The following PLPP3 variants were observed in gnomAD, a reference collection of about 807,000 sequenced individuals.
PLPP3 encodes the protein phospholipid phosphatase 3, also known as PAP2 beta.
PLPP3 carries 6 observed loss-of-function variants against 29.6 expected under a neutral mutation model. The ratio of observed to expected loss-of-function variants is 0.20; its 90% CI spans 0.11 to 0.40. PLPP3 has a LOEUF of 0.40. Among genes scored for constraint, PLPP3 ranks in the 10% least tolerant of loss-of-function variants. PLPP3 has a pLI of 1.00. For missense variants in PLPP3, 308 were observed against 407.7 expected (o/e 0.76, Z 2.11); for synonymous variants, 152 against 159.7 (o/e 0.95, Z 0.36).
At chr1:56,520,966 G>A (rs1645815489) in intron 4 of PLPP3, among the ~76,000 whole-genome samples, 1 of 148,538 alleles carries the variant, frequency 6.7e-6, no homozygotes, top group African/African-American at 2.5e-5. Flanking sequence ...TAGCACGGAG[G>A]CTCACATCTG....
chr1:56,542,513 C>T (rs971537186), intron 1 of PLPP3, among the ~76,000 whole-genome samples: 1 of 152,128 alleles, frequency 6.6e-6, no homozygotes, highest in African/African-American at 2.4e-5. Context: ...ATGTCTTCTA[C>T]ATACCAGGTC....
At chr1:56,523,329 C>T (rs1188421139) in intron 4 of PLPP3, among the ~76,000 whole-genome samples, 1 of 152,186 alleles carries the variant, frequency 6.6e-6, no homozygotes, top group Non-Finnish European at 1.5e-5. Context: ...AACAGTCCTG[C>T]TGTTACGTAC....
intron 5 of PLPP3, among the ~76,000 whole-genome samples, chr1:56,509,860 C>T (rs1317850836): frequency 1.5e-5 from 2 of 131,528 alleles, no homozygotes; most frequent in Admixed American, 7.6e-5. Flanking sequence ...AAAAGGAAGA[C>T]AATGGGTAAA....
intron 2 of PLPP3, among the ~76,000 whole-genome samples, chr1:56,535,557 T>G (rs920111598): frequency 2.6e-5 from 4 of 152,218 alleles, no homozygotes; most frequent in East Asian, 3.9e-4. Context: ...AATTAAAATA[T>G]CAACATAACA....
chr1:56,515,103 A>C (rs757170647), intron 4 of PLPP3, among the ~76,000 whole-genome samples: 1 of 152,130 alleles, frequency 6.6e-6, no homozygotes, highest in African/African-American at 2.4e-5. Flanking sequence ...CACAGATTTT[A>C]ATCAGGAAAA....
intron 5 of PLPP3, among the ~76,000 whole-genome samples, chr1:56,507,130 G>T (rs1036839905): frequency 1.3e-5 from 2 of 152,198 alleles, no homozygotes; most frequent in African/African-American, 4.8e-5. Flanking sequence ...TGCCTGTTGT[G>T]ACAGGATCTA....
chr1:56,510,473 C>T (rs1163773876), intron 5 of PLPP3, among the ~76,000 whole-genome samples: 3 of 152,254 alleles, frequency 2.0e-5, no homozygotes, highest in African/African-American at 7.2e-5. Context: ...CTGCTTTCTT[C>T]GTGGTGCCCA....
intron 2 of PLPP3, among the ~76,000 whole-genome samples, chr1:56,529,618 G>A (rs1191838647): frequency 6.6e-6 from 1 of 152,162 alleles, no homozygotes; most frequent in East Asian, 1.9e-4. Context: ...TAAGGATGGA[G>A]ACAGATGTAT....
At chr1:56,560,037 G>A (rs146844749) in intron 1 of PLPP3, among the ~76,000 whole-genome samples, 38 of 152,266 alleles carry the variant, frequency 2.5e-4, no homozygotes, top group Non-Finnish European at 4.4e-4. Flanking sequence ...ACCACTTTCA[G>A]AAGCCTTCCC....
intron 5 of PLPP3, among the ~76,000 whole-genome samples, chr1:56,511,524 G>C (rs569136694): frequency 1.3e-5 from 2 of 152,212 alleles, no homozygotes; most frequent in African/African-American, 4.8e-5. Context: ...GTCCCATTGC[G>C]TACTGTGTCC....
At chr1:56,567,492 G>A (rs1055171658) in intron 1 of PLPP3, among the ~76,000 whole-genome samples, 6 of 144,958 alleles carry the variant, frequency 4.1e-5, no homozygotes, top group Non-Finnish European at 9.0e-5. Context: ...CTGCCTCCCG[G>A]GTTCATGCCA....
chr1:56,516,654 C>G (rs1645783009), intron 4 of PLPP3, among the ~76,000 whole-genome samples: 1 of 151,986 alleles, frequency 6.6e-6, no homozygotes, highest in Admixed American at 6.6e-5. Flanking sequence ...TCCCAAGCCC[C>G]ACAATGACAC....
At chr1:56,533,882 T>TACC (rs1645907028) in intron 2 of PLPP3, among the ~76,000 whole-genome samples, 1 of 151,942 alleles carries the variant, frequency 6.6e-6, no homozygotes, top group Admixed American at 6.6e-5. Flanking sequence ...GATGCCTAAG[T>TACC]TTGACTTTTT....
At chr1:56,519,246 A>T (rs1479641839) in intron 4 of PLPP3, among the ~76,000 whole-genome samples, 1 of 152,034 alleles carries the variant, frequency 6.6e-6, no homozygotes, top group African/African-American at 2.4e-5. Flanking sequence ...ACCTTCACAC[A>T]TGTAGTTCTT....
At chr1:56,544,953 T>A (rs76948082) in intron 1 of PLPP3, among the ~76,000 whole-genome samples, 3,912 of 152,328 alleles carry the variant, frequency 0.026, 60 homozygotes, top group South Asian at 0.095. Context: ...GTCCCATCCA[T>A]GCAAAGTATT....
At chr1:56,537,152 AG>A (rs1645933461) in intron 1 of PLPP3, 40 bp from the exon 2 acceptor site, 2 of 1,586,710 alleles carry the variant, frequency 1.3e-6, no homozygotes, top group South Asian at 2.3e-5. Flanking sequence ...AGAAAAAAAA[AG>A]AAAAAAAGGA....
At chr1:56,548,448 AT>A (rs1425672781) in intron 1 of PLPP3, among the ~76,000 whole-genome samples, 1 of 152,182 alleles carries the variant, frequency 6.6e-6, no homozygotes, top group Non-Finnish European at 1.5e-5. Context: ...TTTTAGAAGT[AT>A]CCAGGGAGTA....
intron 1 of PLPP3, among the ~76,000 whole-genome samples, chr1:56,537,753 TTTTC>T (rs1472266390): frequency 6.6e-6 from 1 of 152,082 alleles, no homozygotes; most frequent in Non-Finnish European, 1.5e-5. Context: ...TTTTCCAGGC[TTTTC>T]TTTCACTGTT....
At chr1:56,578,760 G>A (rs1306595962) in intron 1 of PLPP3, 118 bp downstream of exon 1, 3 of 1,133,148 alleles carry the variant, frequency 2.6e-6, no homozygotes, top group African/African-American at 1.6e-5. Context: ...AAGGCTGCGG[G>A]GGCCCCCCGG....
Sources: allele counts gnomAD v4.1 joint callset (sites outside exome capture counted in the v4.1 genomes callset), GRCh38; gene constraint gnomAD v4.1.1; transcripts MANE v1.5; gene names NCBI Gene and HGNC (gene_info 2026-07-23, HGNC 2026-07-21).